Variants in DTNA observed in about 807,000 individuals in gnomAD.
DTNA encodes dystrobrevin alpha, also known as dystrophin-related protein 3.
A neutral mutation model predicts 100.7 loss-of-function variants in DTNA; 43 were observed. That is an observed-to-expected ratio of 0.43 (90% confidence interval 0.33 to 0.55). The LOEUF is 0.55. DTNA is among the 20% of genes least tolerant of loss of function. The pLI, the probability that DTNA is intolerant of heterozygous loss-of-function variation, is 0.04. For synonymous variants in DTNA, 349 were observed against 347.9 expected, an observed-to-expected ratio of 1.00 and a Z score of -0.04; for missense variants, 798 against 953.9, an observed-to-expected ratio of 0.84 and a Z score of 2.15.
intron 1 of DTNA, among the ~76,000 whole-genome samples, chr18:34,610,562 G>T (rs1486612578): frequency 6.6e-6 from 1 of 152,160 alleles, no homozygotes; most frequent in African/African-American, 2.4e-5. Flanking sequence ...TTTAAAAAAT[G>T]TATAGATCCA....
intron 1 of DTNA, among the ~76,000 whole-genome samples, chr18:34,681,827 A>G (rs1485952388): frequency 6.6e-6 from 1 of 152,032 alleles, no homozygotes; most frequent in Non-Finnish European, 1.5e-5. Flanking sequence ...TGAAGTCCAC[A>G]GTTTACATTA....
intron 2 of DTNA, among the ~76,000 whole-genome samples, chr18:34,763,294 G>A (rs895998839): frequency 5.9e-5 from 9 of 152,112 alleles, no homozygotes; most frequent in Non-Finnish European, 1.0e-4. Flanking sequence ...TGGTTATCGG[G>A]CATCTTAGAG....
chr18:34,864,161 G>A lies in DTNA; in HGVS notation c.1743+99G>A, dbSNP rs1052013364. On this transcript the variant is annotated intron_variant, in intron 17 of 22. Transcript: ENST00000444659. ...AATGGTTTTTCCAATTGCTGTATGT[G>A]ATTTCCCTCAACATGTTGTTTCAAG... is the stretch of plus-strand genomic sequence containing the variant. The A allele has an allele frequency of 4.8e-6, 5 of 1,036,168 alleles. No individual in the cohort carries two copies. In the African/African-American group the frequency reaches 7.9e-5, roughly 16 times the overall value. The allele number at this position is 1,036,168 out of a possible 1,614,324, so 64.2% of individuals were successfully genotyped here. A position where few individuals can be genotyped will look rare whatever the true frequency, so the allele number is the denominator to read the frequency against.
At chr18:34,638,879 C>T (rs545350104) in intron 1 of DTNA, among the ~76,000 whole-genome samples, 53 of 152,188 alleles carry the variant, frequency 3.5e-4, no homozygotes, top group African/African-American at 1.3e-3. Flanking sequence ...TTCGCTCTTG[C>T]TGCCCAGGCT....
At chr18:34,770,273 G>T (rs1009426668) in intron 3 of DTNA, among the ~76,000 whole-genome samples, 2 of 152,066 alleles carry the variant, frequency 1.3e-5, no homozygotes, top group African/African-American at 4.8e-5. Context: ...AAAATTTATT[G>T]CGTATACTAA....
At chr18:34,636,980 G>A (rs2058733875) in intron 1 of DTNA, among the ~76,000 whole-genome samples, 1 of 151,988 alleles carries the variant, frequency 6.6e-6, no homozygotes, top group South Asian at 2.1e-4. Flanking sequence ...GAACTTCCAG[G>A]GTATTTCTTC....
chr18:34,518,988 A>G (rs1482278536), intron 1 of DTNA, among the ~76,000 whole-genome samples: 7 of 152,150 alleles, frequency 4.6e-5, no homozygotes, highest in Admixed American at 4.6e-4. Context: ...GCAGGAGCTT[A>G]CAGACAGAAA....
At chr18:34,637,938 T>A (rs575420926) in intron 1 of DTNA, among the ~76,000 whole-genome samples, 3 of 152,356 alleles carry the variant, frequency 2.0e-5, no homozygotes, top group Admixed American at 6.5e-5. Flanking sequence ...CCATGTGAAC[T>A]TGTCATTGTC....
intron 1 of DTNA, among the ~76,000 whole-genome samples, chr18:34,717,971 G>A (rs1033065812): frequency 6.6e-6 from 1 of 152,206 alleles, no homozygotes; most frequent in African/African-American, 2.4e-5. Context: ...TATGAGCTAA[G>A]GGGATGAAAG....
At chr18:34,680,316 T>C (rs2077925879) in intron 1 of DTNA, among the ~76,000 whole-genome samples, 1 of 152,170 alleles carries the variant, frequency 6.6e-6, no homozygotes, top group Non-Finnish European at 1.5e-5. Context: ...GGTTTAATAT[T>C]AGTCTGATAT....
chr18:34,780,619 T>C (rs554399926), intron 3 of DTNA, among the ~76,000 whole-genome samples: 1 of 152,312 alleles, frequency 6.6e-6, no homozygotes, highest in South Asian at 2.1e-4. Flanking sequence ...TAAACAAGAA[T>C]CAGAATCTGC....
intron 1 of DTNA, among the ~76,000 whole-genome samples, chr18:34,519,810 G>A (rs1025182901): frequency 1.3e-5 from 2 of 152,126 alleles, no homozygotes; most frequent in Non-Finnish European, 2.9e-5. Context: ...AAGATAATAA[G>A]ATCATCCATT....
chr18:34,499,644 A>G (rs1469725004), intron 1 of DTNA, among the ~76,000 whole-genome samples: 1 of 152,138 alleles, frequency 6.6e-6, no homozygotes, highest in Non-Finnish European at 1.5e-5. Context: ...ATTTGGTGTT[A>G]TTGCTGTGCT....
intron 2 of DTNA, among the ~76,000 whole-genome samples, chr18:34,761,589 G>A (rs1037077635): frequency 6.6e-6 from 1 of 152,200 alleles, no homozygotes; most frequent in Admixed American, 6.5e-5. Flanking sequence ...AAAAACTGCT[G>A]TTGATAACAG....
At chr18:34,518,700 C>A (rs1568576779) in intron 1 of DTNA, among the ~76,000 whole-genome samples, 1 of 100,974 alleles carries the variant, frequency 9.9e-6, no homozygotes, top group African/African-American at 3.6e-5. Flanking sequence ...TTTAATTTGG[C>A]AAACGTGTGT....
At chr18:34,585,682 C>T (rs1340664500) in intron 1 of DTNA, among the ~76,000 whole-genome samples, 1 of 152,072 alleles carries the variant, frequency 6.6e-6, no homozygotes, top group Non-Finnish European at 1.5e-5. Flanking sequence ...GAATCCTTAT[C>T]TCCCATAGTA....
In DTNA at chr18:34,887,848, A is replaced by T. The variant is rs904579992; in HGVS notation, c.*114A>T. 11 of 986,516 alleles carry T rather than the reference A, an allele frequency of 1.1e-5. No individual in the cohort carries two copies. The highest frequency in any genetic ancestry group is 1.3e-5 in the Non-Finnish European group (11 of 830,314). The allele number at this position is 986,516 out of a possible 1,614,324, so 61.1% of individuals were successfully genotyped here. ...CCCTGTGGCCACACAGAGGAGGAAG[A>T]CAGCAGCCTGGCAGCAGCCTCACCG... is the stretch of plus-strand genomic sequence containing the variant. On this transcript the variant is annotated 3_prime_UTR_variant, in exon 23 of 23. Transcript: ENST00000444659.
chr18:34,571,032 G>GTA (rs2047535643), intron 1 of DTNA, among the ~76,000 whole-genome samples: 1 of 152,138 alleles, frequency 6.6e-6, no homozygotes, highest in Non-Finnish European at 1.5e-5. Context: ...CCTTTGTAAG[G>GTA]TATATAGTGT....
Position 34,885,371 on chromosome 18 carries a change from G to A in DTNA, c.*31+595G>A, listed in dbSNP as rs573703182. ...ATTAATTTAAAATATTATTTTCATGGCATGTGAAACCACTCCAAAGCCCTA... is the reference window on the plus strand; with the variant it reads ...ATTAATTTAAAATATTATTTTCATGACATGTGAAACCACTCCAAAGCCCTA... On this transcript the variant is annotated intron_variant, in intron 22 of 22. Transcript: ENST00000444659. 2.0e-5 allele frequency among the ~76,000 whole-genome samples: 3 copies of A among 152,222 alleles called. No homozygotes were observed. In the East Asian group the frequency reaches 5.8e-4, roughly 29 times the overall value.
Sources: allele counts gnomAD v4.1 joint callset (sites outside exome capture counted in the v4.1 genomes callset), GRCh38; gene constraint gnomAD v4.1.1; transcripts MANE v1.5; gene names NCBI Gene and HGNC (gene_info 2026-07-23, HGNC 2026-07-21).